NPSR1: variants seen among roughly 807,000 people sequenced by gnomAD.
The protein encoded by NPSR1 is neuropeptide S receptor 1.
Under a neutral mutation model 46.9 loss-of-function variants are expected in NPSR1, and 48 were observed. That is an observed-to-expected ratio of 1.02 (90% CI 0.81 to 1.30). NPSR1 has a LOEUF of 1.30. Among genes scored for constraint, NPSR1 ranks in the 50% most tolerant of loss-of-function variants. The probability of loss-of-function intolerance (pLI) is 0.00; values close to 1 mark genes in which losing one functional copy is unlikely to be tolerated. For synonymous variants in NPSR1, 176 were observed against 168.1 expected, an observed-to-expected ratio of 1.05 and a Z score of -0.36; for missense variants, 450 against 449.5, an observed-to-expected ratio of 1.00 and a Z score of -0.01.
At position 34,782,253 on chromosome 7, in the gene NPSR1, C is replaced by T. The variant is rs190092216; in HGVS notation, c.384+3688C>T. ...TCTCCATGTGAGCCCATGCATCAGA[C>T]CTCAGTTTCATGGCTACTCCATGAG... On this transcript the variant is annotated intron_variant, in intron 3 of 8. Transcript: ENST00000360581. Among the ~76,000 whole-genome samples, 23 of 152,282 alleles carry T rather than the reference C, an allele frequency of 1.5e-4. No individual in the cohort carries two copies. The East Asian group carries it at 4.2e-3, about 28-fold the overall frequency.
At chr7:34,788,394 A>T (rs1002997039) in intron 3 of NPSR1, among the ~76,000 whole-genome samples, 5 of 152,128 alleles carry the variant, frequency 3.3e-5, no homozygotes, top group African/African-American at 7.2e-5. Flanking sequence ...ACAGAAAAAA[A>T]ATATATGATA....
At position 34,838,837 on chromosome 7, in the gene NPSR1, G is replaced by C. The variant is rs1790470469; in HGVS notation, c.757+4377G>C. On this transcript the variant is annotated intron_variant, in intron 6 of 8. Transcript: ENST00000360581. Reference sequence around the variant, plus strand: ...ATCTTTCATAAATGAGCATATTATTGATGTCCAGGAGGATTTACTTGTACA... The same window carrying C: ...ATCTTTCATAAATGAGCATATTATTCATGTCCAGGAGGATTTACTTGTACA... Among the ~76,000 whole-genome samples, 6 of 152,314 alleles carry C rather than the reference G, an allele frequency of 3.9e-5. No homozygotes were observed. The South Asian group carries it at 1.2e-3, about 32-fold the overall frequency.
intron 3 of NPSR1, among the ~76,000 whole-genome samples, chr7:34,792,981 T>C (rs1039159960): frequency 1.3e-5 from 2 of 151,450 alleles, no homozygotes; most frequent in African/African-American, 4.8e-5. Flanking sequence ...GACCAGGAGT[T>C]TGAGACCAGC....
chr7:34,808,869 TA>T (rs998297080), intron 3 of NPSR1, among the ~76,000 whole-genome samples: 4 of 151,802 alleles, frequency 2.6e-5, no homozygotes, highest in Non-Finnish European at 5.9e-5. Context: ...AGGTAACTTT[TA>T]AATTTTTTTA....
chr7:34,784,796 G>T (rs1430939062), intron 3 of NPSR1, among the ~76,000 whole-genome samples: 1 of 152,044 alleles, frequency 6.6e-6, no homozygotes, highest in Non-Finnish European at 1.5e-5. Flanking sequence ...ACCATCACTG[G>T]CCATCAGAGA....
chr7:34,792,939 G>C (rs1788006570), intron 3 of NPSR1, among the ~76,000 whole-genome samples: 1 of 150,504 alleles, frequency 6.6e-6, no homozygotes, highest in Admixed American at 6.7e-5. Context: ...TATAATACCA[G>C]CACCTTGGGA....
Position 34,809,460 on chromosome 7 carries a change from A to ATTTT in NPSR1, c.385-2292_385-2289dup, listed in dbSNP as rs1157591101. ...GTACAGATTATTTAATCACCCAGGT[A>ATTTT]TTTTTTTTTTTTTTTTTTTTTGAGA... On this transcript the variant is annotated intron_variant, in intron 3 of 8. Coordinates refer to ENST00000360581, the MANE Select transcript of NPSR1 (RefSeq NM_207172.2). Among the ~76,000 whole-genome samples the ATTTT allele has an allele frequency of 2.2e-3, 246 of 110,814 alleles. 4 individuals are homozygous for ATTTT. The highest frequency in any genetic ancestry group is 3.2e-3 in the East Asian group (13 of 4,016). 72.7% of individuals were successfully genotyped at this position (110,814 alleles called of 152,430 possible). A position where few individuals can be genotyped will look rare whatever the true frequency, so the allele number is the denominator to read the frequency against.
intron 2 of NPSR1, among the ~76,000 whole-genome samples, chr7:34,754,104 A>T (rs1785688790): frequency 6.6e-6 from 1 of 152,100 alleles, no homozygotes; most frequent in Admixed American, 6.5e-5. Context: ...GTCACCTAGG[A>T]TCAGAACTTC....
At chr7:34,770,170 T>C (rs981954091) in intron 2 of NPSR1, among the ~76,000 whole-genome samples, 3 of 152,198 alleles carry the variant, frequency 2.0e-5, no homozygotes, top group African/African-American at 7.2e-5. Context: ...AAATAATCTT[T>C]CCGTTTTTTA....
intron 8 of NPSR1, among the ~76,000 whole-genome samples, chr7:34,869,927 ATAT>A (rs1221926267): frequency 6.6e-6 from 1 of 151,782 alleles, no homozygotes; most frequent in Admixed American, 6.5e-5. Context: ...CTGGGTGGGA[ATAT>A]TTACACCGTG....
chr7:34,779,323 A>G (rs930966730), intron 3 of NPSR1, among the ~76,000 whole-genome samples: 5 of 151,910 alleles, frequency 3.3e-5, no homozygotes, highest in Non-Finnish European at 7.4e-5. Flanking sequence ...ATTAGGTTTG[A>G]TGTGCTGTTT....
At chr7:34,864,974 T>C (rs1475367316) in intron 8 of NPSR1, among the ~76,000 whole-genome samples, 2 of 151,778 alleles carry the variant, frequency 1.3e-5, no homozygotes, top group Non-Finnish European at 2.9e-5. Flanking sequence ...TTTTGGCCAA[T>C]GGAACGTGGA....
intron 6 of NPSR1, 24 bp downstream of exon 6, chr7:34,834,484 C>T (rs768936209): frequency 4.6e-6 from 7 of 1,530,194 alleles, no homozygotes; most frequent in Non-Finnish European, 5.4e-6. Flanking sequence ...CTGCATGGCC[C>T]AATTCTTGGC....
intron 1 of NPSR1, among the ~76,000 whole-genome samples, chr7:34,684,059 G>A (rs1792795249): frequency 6.8e-6 from 1 of 147,994 alleles, no homozygotes; most frequent in African/African-American, 2.6e-5. Context: ...ATCATACCCA[G>A]TATATGATTT....
At chr7:34,869,361 C>T (rs1218561188) in intron 8 of NPSR1, among the ~76,000 whole-genome samples, 1 of 151,776 alleles carries the variant, frequency 6.6e-6, no homozygotes, top group Admixed American at 6.6e-5. Context: ...ATCTAAAATG[C>T]AAATTTGATG....
chr7:34,807,529 AT>A (rs1327286757), intron 3 of NPSR1, among the ~76,000 whole-genome samples: 1 of 152,106 alleles, frequency 6.6e-6, no homozygotes, highest in African/African-American at 2.4e-5. Flanking sequence ...TTTGAATTTA[AT>A]TTGTCTAATA....
chr7:34,771,753 C>T (rs1786696023), intron 2 of NPSR1, among the ~76,000 whole-genome samples: 1 of 152,166 alleles, frequency 6.6e-6, no homozygotes, highest in African/African-American at 2.4e-5. Context: ...CTCTAACTTT[C>T]TCTGAAATCT....
chr7:34,788,054 C>A (rs1382979861), intron 3 of NPSR1, among the ~76,000 whole-genome samples: 1 of 151,904 alleles, frequency 6.6e-6, no homozygotes, highest in Non-Finnish European at 1.5e-5. Flanking sequence ...TAAAGTAAAT[C>A]ATGACAAAAT....
intron 8 of NPSR1, among the ~76,000 whole-genome samples, chr7:34,862,961 G>T (rs545786293): frequency 6.6e-6 from 1 of 151,570 alleles, no homozygotes; most frequent in East Asian, 1.9e-4. Flanking sequence ...AGGAGGCATC[G>T]AGCTACCTGA....
Sources: allele counts gnomAD v4.1 joint callset (sites outside exome capture counted in the v4.1 genomes callset), GRCh38; gene constraint gnomAD v4.1.1; transcripts MANE v1.5; gene names NCBI Gene and HGNC (gene_info 2026-07-23, HGNC 2026-07-21).